Variants in DTNB observed in about 807,000 individuals in gnomAD.
DTNB encodes DTN-B.
In DTNB, 63 loss-of-function variants were observed where a neutral mutation model predicts 90.7. The ratio of observed to expected loss-of-function variants is 0.69; its 90% confidence interval spans 0.57 to 0.86. The LOEUF (loss-of-function observed/expected upper bound fraction) is 0.86, where lower values mean the gene tolerates loss of function less well. Among genes scored for constraint, DTNB ranks in the 40% least tolerant of loss-of-function variants. DTNB has a pLI of 0.00. For missense variants in DTNB, 744 were observed against 807.1 expected (o/e 0.92, Z 0.95); for synonymous variants, 277 against 286.7 (o/e 0.97, Z 0.34).
At chr2:25,398,955 T>C (rs572059897) in intron 16 of DTNB, among the ~76,000 whole-genome samples, 1 of 152,338 alleles carries the variant, frequency 6.6e-6, no homozygotes, top group Admixed American at 6.5e-5. Flanking sequence ...CATCACATTT[T>C]TGGCCCTTTT....
intron 3 of DTNB, among the ~76,000 whole-genome samples, chr2:25,630,844 C>CAAAA (rs1169600129): frequency 2.9e-4 from 18 of 62,886 alleles, no homozygotes; most frequent in East Asian, 9.9e-4. Flanking sequence ...AACTCCGTCC[C>CAAAA]AAAAAAAAAA....
intron 8 of DTNB, among the ~76,000 whole-genome samples, chr2:25,532,790 T>G (rs2078507080): frequency 6.6e-6 from 1 of 152,218 alleles, no homozygotes; most frequent in African/African-American, 2.4e-5. Context: ...ATGTGCCACT[T>G]TAATTGGAAA....
At chr2:25,613,175 CT>C (rs2069120319) in intron 4 of DTNB, among the ~76,000 whole-genome samples, 1 of 152,122 alleles carries the variant, frequency 6.6e-6, no homozygotes, top group South Asian at 2.1e-4. Flanking sequence ...TCTCGAACTC[CT>C]AAACTCAAGT....
At chr2:25,510,131 A>AT (rs1202349890) in intron 9 of DTNB, among the ~76,000 whole-genome samples, 3 of 151,688 alleles carry the variant, frequency 2.0e-5, no homozygotes, top group Non-Finnish European at 4.4e-5. Context: ...CTTACCAAGA[A>AT]TTTTTTTTAT....
chr2:25,580,640 T>C (rs1470916421), intron 7 of DTNB, 81 bp downstream of exon 7: 2 of 1,266,236 alleles, frequency 1.6e-6, no homozygotes, highest in South Asian at 2.5e-5. Flanking sequence ...TTCAATGATA[T>C]TAATAGCTAA....
chr2:25,536,519 C>T lies in DTNB; in HGVS notation c.877-4922G>A, dbSNP rs565335366. Among the ~76,000 whole-genome samples, 11 of 152,256 alleles carry T rather than the reference C, an allele frequency of 7.2e-5. 1 individual carries two copies. The highest frequency in any genetic ancestry group is 6.2e-4 in the South Asian group (3 of 4,828). ...GAGCTGGAGACCAGCCCGGTCAACACGGCGAAACCCCGTCTCCACCAAAAA... is the reference window on the plus strand; with the variant it reads ...GAGCTGGAGACCAGCCCGGTCAACATGGCGAAACCCCGTCTCCACCAAAAA... On this transcript the variant is annotated intron_variant, in intron 8 of 20. Coordinates refer to ENST00000406818, the MANE Select transcript of DTNB (RefSeq NM_021907.5).
intron 5 of DTNB, among the ~76,000 whole-genome samples, chr2:25,603,266 T>C (rs2066298410): frequency 1.3e-5 from 2 of 152,234 alleles, no homozygotes; most frequent in African/African-American, 4.8e-5. Flanking sequence ...TAATACATAA[T>C]GGGCTTTACA....
intron 16 of DTNB, among the ~76,000 whole-genome samples, chr2:25,410,480 A>G (rs186632490): frequency 1.3e-5 from 2 of 152,298 alleles, no homozygotes; most frequent in East Asian, 3.9e-4. Flanking sequence ...CTGGAAATGA[A>G]CCTTCTGGGT....
chr2:25,400,030 G>A (rs937780162), intron 16 of DTNB, among the ~76,000 whole-genome samples: 23 of 152,290 alleles, frequency 1.5e-4, no homozygotes, highest in South Asian at 1.2e-3. Flanking sequence ...AGTGGAGTCC[G>A]TACCACAGCT....
chr2:25,379,231 G>A, intron 20 of DTNB, 59 bp downstream of exon 20: 2 of 1,292,862 alleles, frequency 1.5e-6, no homozygotes, highest in Non-Finnish European at 2.0e-6. Flanking sequence ...GGAGGGGAAG[G>A]GAAGATGCTG....
At chr2:25,652,251 T>G (rs2148937499) in intron 2 of DTNB, among the ~76,000 whole-genome samples, 1 of 152,274 alleles carries the variant, frequency 6.6e-6, no homozygotes, top group South Asian at 2.1e-4. Flanking sequence ...GGAAGGTAAT[T>G]TATATAATGT....
At chr2:25,533,382 G>A (rs765300463) in intron 8 of DTNB, among the ~76,000 whole-genome samples, 2 of 152,126 alleles carry the variant, frequency 1.3e-5, no homozygotes, top group Non-Finnish European at 2.9e-5. Context: ...CTAATTTCCT[G>A]AAAGTATATA....
intron 15 of DTNB, among the ~76,000 whole-genome samples, chr2:25,427,180 A>AACAC (rs3041256): frequency 0.22 from 31,188 of 139,356 alleles, 3,430 homozygotes; most frequent in Middle Eastern, 0.27. Context: ...TCCATCTCAA[A>AACAC]ACACACACAC....
At chr2:25,458,190 A>C (rs986372858) in intron 10 of DTNB, among the ~76,000 whole-genome samples, 10 of 152,280 alleles carry the variant, frequency 6.6e-5, no homozygotes, top group African/African-American at 2.4e-4. Flanking sequence ...TTAATGAATC[A>C]ATTTTTTCCG....
chr2:25,481,744 T>C (rs1234037666), intron 10 of DTNB: 1 of 152,244 alleles, frequency 6.6e-6, no homozygotes, highest in African/African-American at 2.4e-5. Flanking sequence ...TGCTTGATGA[T>C]AAGAATCAGC....
At chr2:25,386,991 G>A (rs1470073454) in intron 18 of DTNB, among the ~76,000 whole-genome samples, 2 of 152,184 alleles carry the variant, frequency 1.3e-5, no homozygotes, top group Admixed American at 6.5e-5. Context: ...GATGGAAGAC[G>A]AGGTAAGTGA....
chr2:25,567,702 G>A (rs2151257934), intron 8 of DTNB, among the ~76,000 whole-genome samples: 1 of 152,254 alleles, frequency 6.6e-6, no homozygotes, highest in African/African-American at 2.4e-5. Flanking sequence ...TGTGGTACAG[G>A]CGTATTTTGT....
At position 25,387,375 on chromosome 2, in the gene DTNB, G is replaced by A. The variant is rs373391383; in HGVS notation, c.1739C>T (p.Thr580Met). Residue 580 changes from threonine to methionine, a missense_variant, in exon 18 of 21, where the codon ACG becomes ATG. Physicochemically the swap from Thr to Met is moderately conservative, Grantham distance 81. Transcript: ENST00000406818. This position sits in a 1 kb window ranked among gnomAD's most constrained non-coding sequence, Gnocchi z 4.5. ...GDVQEAFAQG[T>M]RRNLRNDLLV... ...CAGGTCATTGCGGAGGTTTCTCCTC[G>A]TACCTGAGGAGAGGCAGAGCAGATG... 5.6e-6 allele frequency: 9 copies of A among 1,611,532 alleles called. No individual in the cohort carries two copies. The highest frequency in any genetic ancestry group is 4.5e-5 in the East Asian group (2 of 44,868).
At chr2:25,418,032 T>G (rs973287752) in intron 16 of DTNB, among the ~76,000 whole-genome samples, 2 of 152,172 alleles carry the variant, frequency 1.3e-5, no homozygotes, top group African/African-American at 4.8e-5. Context: ...TGGGCTTGAT[T>G]TGCATCCTGT....
Sources: gnomAD v4.1 joint callset for allele counts (sites outside exome capture counted in the v4.1 genomes callset) on GRCh38, gnomAD v4.1.1 for gene constraint, Gnocchi (gnomAD v3.1) non-coding constraint, MANE v1.5 for transcripts, NCBI Gene and HGNC (gene_info 2026-07-23, HGNC 2026-07-21) for gene names.